The following PRR36 variants were observed in gnomAD, a reference collection of about 807,000 sequenced individuals.
PRR36 encodes the protein proline-rich protein 36.
In PRR36, 30 loss-of-function variants were observed where a neutral mutation model predicts 58.6. The ratio of observed to expected loss-of-function variants is 0.51; its 90% CI spans 0.38 to 0.69. The LOEUF (loss-of-function observed/expected upper bound fraction) is 0.69, where lower values mean the gene tolerates loss of function less well. Ranked by LOEUF, PRR36 falls within the 30% of genes least tolerant of loss-of-function variation. The pLI, the probability that PRR36 is intolerant of heterozygous loss-of-function variation, is 0.00. For synonymous variants in PRR36, 771 were observed against 829.3 expected (o/e 0.93, Z 1.21); for missense variants, 1,692 against 1,805.6 (o/e 0.94, Z 1.14).
chr19:7,873,647 G>C lies in PRR36; in HGVS notation c.43C>G (p.Arg15Gly). 1 of 1,535,240 alleles carries C rather than the reference G, an allele frequency of 6.5e-7. No homozygotes were observed. The highest frequency in any genetic ancestry group is 2.4e-5 in the East Asian group (1 of 40,904). The change falls in exon 2 of 6, where the codon CGG becomes GGG. Residue 15 changes from arginine (R) to glycine (G), a missense_variant. Physicochemically the swap from Arg to Gly is moderately radical, Grantham distance 125. This residue lies in a region of PRR36 where 975 missense variants were observed against 955.2 expected (regional missense o/e 1.02). Coordinates refer to ENST00000618550, the MANE Select transcript of PRR36 (RefSeq NM_001190467.2). The surrounding 1 kb of genome is among the most constrained non-coding windows in gnomAD (Gnocchi z 5.0). The stretch of plus-strand genomic sequence containing the variant: ...CCAGGAGCGCGAGCAGCCGGCGTCC[G>C]CGCGGCGGCCCCTGCCTTCGCCTTG... Reference protein sequence around the residue: ...RDKAKAGAAARTPAARAPGLL... With the variant: ...RDKAKAGAAAGTPAARAPGLL...
Position 7,869,986 on chromosome 19 carries a change from A to G in PRR36, c.3258T>C (p.Asp1086=). The change falls in exon 5 of 6, where the codon GAT becomes GAC. Residue 1086 remains aspartate, a synonymous_variant. Coordinates refer to ENST00000618550, the MANE Select transcript of PRR36 (RefSeq NM_001190467.2). Reference sequence around the variant, plus strand: ...TCAGCCGTGGGCCCGAGACGGAGGTATCCGGACCCGGGGTCGGGGGGCGGC... The same window carrying G: ...TCAGCCGTGGGCCCGAGACGGAGGTGTCCGGACCCGGGGTCGGGGGGCGGC... ...APRRPPTPGP[D]TSVSGPRLTL... is the part of the protein sequence containing the mutation. 1.4e-6 allele frequency: 2 copies of G among 1,402,032 alleles called. No individual in the cohort carries two copies. The highest frequency in any genetic ancestry group is 9.2e-7 in the Non-Finnish European group (1 of 1,085,394). The allele number at this position is 1,402,032 out of a possible 1,614,324, so 86.8% of individuals were successfully genotyped here.
chr19:7,872,454 T>A lies in PRR36; in HGVS notation c.790A>T (p.Arg264Trp), dbSNP rs1373776933. The stretch of plus-strand genomic sequence containing the variant: ...GGCTGCGAGGGATGCGCAGGAGCCC[T>A]GGGTGTTCCGCGGGCTGAGGGCCCA... Reference protein sequence around the residue: ...RSGPSARGTPRAPAHPSQPKP... With the variant: ...RSGPSARGTPWAPAHPSQPKP... The change falls in exon 5 of 6, where the codon AGG becomes TGG. Residue 264 changes from arginine to tryptophan, a missense_variant. Transcript: ENST00000618550. This position sits in a 1 kb window ranked among gnomAD's most constrained non-coding sequence, Gnocchi z 6.1. 1 of 1,461,614 alleles carries A rather than the reference T, an allele frequency of 6.8e-7. No individual in the cohort carries two copies. The highest frequency in any genetic ancestry group is 9.0e-7 in the Non-Finnish European group (1 of 1,113,100). 90.5% of individuals were successfully genotyped at this position (1,461,614 alleles called of 1,614,324 possible).
In PRR36 at chr19:7,872,071, G is replaced by A; in HGVS notation, c.1173C>T (p.Ala391=). Residue 391 remains alanine, a synonymous_variant, in exon 5 of 6, where the codon GCC becomes GCT. Coordinates refer to ENST00000618550, the MANE Select transcript of PRR36 (RefSeq NM_001190467.2). The surrounding 1 kb of genome is among the most constrained non-coding windows in gnomAD (Gnocchi z 6.1). ...PSLQTLPSPP[A]TPPSQVPPTQ... is the part of the protein sequence containing the mutation. ...TGGGTGGAACTTGCGAGGGGGGCGT[G>A]GCTGGTGGAGAGGGGAGGGTCTGCA... is the stretch of plus-strand genomic sequence containing the variant. 1 of 1,535,536 alleles carries A rather than the reference G, an allele frequency of 6.5e-7. No homozygotes were observed. Among genetic ancestry groups the A allele is most frequent in the Non-Finnish European group, 8.7e-7 (1 of 1,146,738 alleles).
In PRR36 at chr19:7,871,658, A is replaced by G. The variant is rs866513320; in HGVS notation, c.1586T>C (p.Leu529Ser). Residue 529 changes from leucine to serine, a missense_variant, in exon 5 of 6, where the codon TTG becomes TCG. Transcript: ENST00000618550. ...PLQDSPLLAT[L>S]PLQASPSPLT... ...AGGAGAGGGAGAGGCCTGCAGAGGCAATGTGGCCAGAAGAGGAGAGTCCTG... is the reference window on the plus strand; with the variant it reads ...AGGAGAGGGAGAGGCCTGCAGAGGCGATGTGGCCAGAAGAGGAGAGTCCTG... The G allele has an allele frequency of 2.0e-6, 3 of 1,535,652 alleles. No homozygotes were observed. The highest frequency in any genetic ancestry group is 1.7e-6 in the Non-Finnish European group (2 of 1,146,756).
Position 7,869,128 on chromosome 19 carries a change from G to C in PRR36, c.3946C>G (p.Arg1316Gly), listed in dbSNP as rs1439363396. 2.0e-6 allele frequency: 3 copies of C among 1,535,336 alleles called. No individual in the cohort carries two copies. Among genetic ancestry groups the C allele is most frequent in the South Asian group, 1.2e-5 (1 of 84,016 alleles). The change falls in exon 6 of 6, where the codon CGT (arginine) becomes GGT (glycine). Residue 1316 changes from arginine to glycine, a missense_variant. Arg to Gly is a moderately radical substitution (Grantham distance 125). Coordinates refer to ENST00000618550, the MANE Select transcript of PRR36 (RefSeq NM_001190467.2). ...CTGGTGACCGAGGTGATGCTGGCAC[G>C]GGACTCGTCCAGGGGAGACAGTAGT... is the stretch of plus-strand genomic sequence containing the variant. ...AELLSPLDES[R>G]ASITSVTSFS...
Position 7,873,176 on chromosome 19 carries a change from G to T in PRR36, c.374+21C>A. The T allele has an allele frequency of 6.5e-7, 1 of 1,530,448 alleles. No homozygotes were observed. The highest frequency in any genetic ancestry group is 8.8e-7 in the Non-Finnish European group (1 of 1,141,782). 94.8% of individuals were successfully genotyped at this position (1,530,448 alleles called of 1,614,324 possible). On this transcript the variant is annotated intron_variant, in intron 3 of 5. Coordinates refer to ENST00000618550, the MANE Select transcript of PRR36 (RefSeq NM_001190467.2). The surrounding 1 kb of genome is among the most constrained non-coding windows in gnomAD (Gnocchi z 5.0). The stretch of plus-strand genomic sequence containing the variant: ...GACGCTAACCCTGGCTTAGGAGACT[G>T]GGGGAGAGGGAGCAGGTTACCTGGT...
Position 7,871,809 on chromosome 19 carries a change from A to C in PRR36, c.1435T>G (p.Phe479Val). The C allele has an allele frequency of 6.5e-7, 1 of 1,535,202 alleles. No homozygotes were observed. The highest frequency in any genetic ancestry group is 8.7e-7 in the Non-Finnish European group (1 of 1,146,690). Reference sequence around the variant, plus strand: ...GGCTGAGGGAGTGCGGCCAGGGGAAAAGCCGAATTCCCCAGAGATGTTGCC... The same window carrying C: ...GGCTGAGGGAGTGCGGCCAGGGGAACAGCCGAATTCCCCAGAGATGTTGCC... ...SPATSLGNSA[F>V]PLAALPQPGL... Residue 479 changes from phenylalanine (F) to valine (V), a missense_variant, in exon 5 of 6, where the codon TTT becomes GTT. Around this residue, in one of 5 missense-constraint regions of PRR36, gnomAD observed 975 missense variants for 955.2 expected, o/e 1.02. Transcript: ENST00000618550.
chr19:7,871,345 A>T lies in PRR36; in HGVS notation c.1899T>A (p.Pro633=), dbSNP rs991062959. The change falls in exon 5 of 6, where the codon CCT becomes CCA. Residue 633 remains proline, a synonymous_variant. Coordinates refer to ENST00000618550, the MANE Select transcript of PRR36 (RefSeq NM_001190467.2). The stretch of plus-strand genomic sequence containing the variant: ...AGATCAAAGAAGCTTGGGTTTGCCT[A>T]GGGGACATTGTCAGGAAAGAATGTG... ...QATHSFLTMS[P]RQTQASLISP... 4 of 1,531,048 alleles carry T rather than the reference A, an allele frequency of 2.6e-6. No individual in the cohort carries two copies. Among genetic ancestry groups the T allele is most frequent in the Non-Finnish European group, 3.5e-6 (4 of 1,143,668 alleles). The allele number at this position is 1,531,048 out of a possible 1,614,324, so 94.8% of individuals were successfully genotyped here.
chr19:7,869,945 G>C lies in PRR36; in HGVS notation c.3299C>G (p.Pro1100Arg). ...SGPRLTLALA[P>R]GPPPPPSRSP... ...GCGCGAGGGCGGCGGCGGCGGGCCG[G>C]GGGCCAACGCCAGGGTCAGCCGTGG... is the stretch of plus-strand genomic sequence containing the variant. Residue 1100 changes from proline (P) to arginine (R), a missense_variant, in exon 5 of 6, where the codon CCC (proline) becomes CGC (arginine). By Grantham distance (103) the Pro-to-Arg change is moderately radical (BLOSUM62 -2). This residue lies in a region of PRR36 where 485 missense variants were observed against 549.2 expected (regional missense o/e 0.88). Transcript: ENST00000618550. 1.5e-6 allele frequency: 2 copies of C among 1,371,626 alleles called. No individual in the cohort carries two copies. 85.0% of individuals were successfully genotyped at this position (1,371,626 alleles called of 1,614,324 possible).
Position 7,873,642 on chromosome 19 carries a change from C to G in PRR36, c.48G>C (p.Thr16=). The change falls in exon 2 of 6, where the codon ACG becomes ACC. Residue 16 remains threonine (T), a synonymous_variant. Coordinates refer to ENST00000618550, the MANE Select transcript of PRR36 (RefSeq NM_001190467.2). This position sits in a 1 kb window ranked among gnomAD's most constrained non-coding sequence, Gnocchi z 5.0. ...DKAKAGAAAR[T]PAARAPGLLT... Reference sequence around the variant, plus strand: ...GAAGTCCAGGAGCGCGAGCAGCCGGCGTCCGCGCGGCGGCCCCTGCCTTCG... The same window carrying G: ...GAAGTCCAGGAGCGCGAGCAGCCGGGGTCCGCGCGGCGGCCCCTGCCTTCG... The G allele has an allele frequency of 6.5e-7, 1 of 1,535,212 alleles. No individual in the cohort carries two copies. The highest frequency in any genetic ancestry group is 2.4e-5 in the East Asian group (1 of 40,910).
In PRR36 at chr19:7,871,290, C is replaced by A. The variant is rs1270655195; in HGVS notation, c.1954G>T (p.Asp652Tyr). ...SPSRPASTPP[D>Y]SPPLQAPLSL... ...AGAGGGGCCTGCAGAGGGGGTGAAT[C>A]AGGGGGAGTAGAGGCCGGCCGAGAA... Residue 652 changes from aspartate to tyrosine, a missense_variant, in exon 5 of 6, where the codon GAT becomes TAT. By Grantham distance (160) the Asp-to-Tyr change is radical. Transcript: ENST00000618550. 6.6e-7 allele frequency: 1 copy of A among 1,513,616 alleles called. No individual in the cohort carries two copies. The highest frequency in any genetic ancestry group is 2.0e-5 in the Admixed American group (1 of 48,796). The allele number at this position is 1,513,616 out of a possible 1,614,324, so 93.8% of individuals were successfully genotyped here.
rs766922514 is a variant in PRR36 at position 7,873,307 on chromosome 19, G to A, written c.272-8C>T. 234 of 1,530,206 alleles carry A rather than the reference G, an allele frequency of 1.5e-4. No homozygotes were observed. Among genetic ancestry groups the A allele is most frequent in the Non-Finnish European group, 1.9e-4 (222 of 1,144,048 alleles). 94.8% of individuals were successfully genotyped at this position (1,530,206 alleles called of 1,614,324 possible). On this transcript the variant is annotated splice_region_variant and splice_polypyrimidine_tract_variant and intron_variant, in intron 2 of 5. Transcript: ENST00000618550. This position sits in a 1 kb window ranked among gnomAD's most constrained non-coding sequence, Gnocchi z 5.0. Reference sequence around the variant, plus strand: ...AGGCTGGGGGCCTGGAGGCTGCGGGGAGAAGGCCGAGTCACAGGTGCCCCG... The same window carrying A: ...AGGCTGGGGGCCTGGAGGCTGCGGGAAGAAGGCCGAGTCACAGGTGCCCCG...
Position 7,871,879 on chromosome 19 carries a change from T to A in PRR36, c.1365A>T (p.Thr455=). The change falls in exon 5 of 6, where the codon ACA becomes ACT. Residue 455 remains threonine, a synonymous_variant. Coordinates refer to ENST00000618550, the MANE Select transcript of PRR36 (RefSeq NM_001190467.2). ...SLPTLLSPLA[T]PPLSAMSPLQ... is the part of the protein sequence containing the mutation. ...GAGGAGACATGGCTGACAGAGGAGG[T>A]GTGGCCAAGGGAGAGAGGAGAGTCG... The A allele has an allele frequency of 6.5e-7, 1 of 1,533,974 alleles. No homozygotes were observed. The highest frequency in any genetic ancestry group is 8.7e-7 in the Non-Finnish European group (1 of 1,146,402).
Position 7,872,118 on chromosome 19 carries a change from A to G in PRR36, c.1126T>C (p.Ser376Pro), listed in dbSNP as rs1275362679. 2 of 1,519,316 alleles carry G rather than the reference A, an allele frequency of 1.3e-6. No homozygotes were observed. Among genetic ancestry groups the G allele is most frequent in the Admixed American group, 2.0e-5 (1 of 49,474 alleles). 94.1% of individuals were successfully genotyped at this position (1,519,316 alleles called of 1,614,324 possible). A position where few individuals can be genotyped will look rare whatever the true frequency, so the allele number is the denominator to read the frequency against. ...TGCAGAGAAGGTGGAGCAGAGGGAG[A>G]AGGAGGGGCTAGAGGAAGGGGCGTG... ...LATPLPLAPPSPSAPPSLQTL... is the reference protein window; with the variant it reads ...LATPLPLAPPPPSAPPSLQTL... The change falls in exon 5 of 6, where the codon TCT becomes CCT. Residue 376 changes from serine to proline, a missense_variant. Around this residue, in one of 5 missense-constraint regions of PRR36, gnomAD observed 975 missense variants for 955.2 expected, o/e 1.02. Coordinates refer to ENST00000618550, the MANE Select transcript of PRR36 (RefSeq NM_001190467.2). The surrounding 1 kb of genome is among the most constrained non-coding windows in gnomAD (Gnocchi z 6.1).
In PRR36 at chr19:7,870,505, G is replaced by T; in HGVS notation, c.2739C>A (p.Pro913=). Residue 913 remains proline (P), a synonymous_variant, in exon 5 of 6, where the codon CCC becomes CCA. Transcript: ENST00000618550. ...ASPPVSPSAT[P]PSQAPPSLAA... ...CTAGAGAGGGTGGGGCCTGTGAAGG[G>T]GGCGTGGCCGAAGGAGACACTGGGG... is the stretch of plus-strand genomic sequence containing the variant. The T allele has an allele frequency of 3.2e-6, 3 of 941,488 alleles. No homozygotes were observed. The highest frequency in any genetic ancestry group is 3.9e-6 in the Non-Finnish European group (3 of 762,586). 58.3% of individuals were successfully genotyped at this position (941,488 alleles called of 1,614,324 possible). A position where few individuals can be genotyped will look rare whatever the true frequency, so the allele number is the denominator to read the frequency against.
Position 7,871,460 on chromosome 19 carries a change from G to C in PRR36, c.1784C>G (p.Thr595Ser), listed in dbSNP as rs1205053287. ...IPPIQVPHSL[T>S]SPSLQAPPSP... ...GGGAGGTGCCTGCAGAGACGGTGAGGTCAGAGAATGTGGGACCTGTATTGG... is the reference window on the plus strand; with the variant it reads ...GGGAGGTGCCTGCAGAGACGGTGAGCTCAGAGAATGTGGGACCTGTATTGG... Residue 595 changes from threonine (T) to serine (S), a missense_variant, in exon 5 of 6, where the codon ACC becomes AGC. By Grantham distance (58) the Thr-to-Ser change is moderately conservative. Coordinates refer to ENST00000618550, the MANE Select transcript of PRR36 (RefSeq NM_001190467.2). 1 of 1,535,694 alleles carries C rather than the reference G, an allele frequency of 6.5e-7. No homozygotes were observed. The highest frequency in any genetic ancestry group is 8.7e-7 in the Non-Finnish European group (1 of 1,146,790).
At position 7,868,941 on chromosome 19, in the gene PRR36, G is replaced by A. The variant is rs1980232507; in HGVS notation, c.*92C>T. On this transcript the variant is annotated 3_prime_UTR_variant, in exon 6 of 6. Transcript: ENST00000618550. ...CTAATCCACCCAGCGGGGCTCCAGG[G>A]CAGTGGAGGCGGGGTCTAAAACAAA... 7.4e-7 allele frequency: 1 copy of A among 1,357,614 alleles called. No individual in the cohort carries two copies. Among genetic ancestry groups the A allele is most frequent in the African/African-American group, 1.5e-5 (1 of 67,062 alleles). The allele number at this position is 1,357,614 out of a possible 1,614,324, so 84.1% of individuals were successfully genotyped here.
chr19:7,868,956 T>C lies in PRR36; in HGVS notation c.*77A>G. 7.1e-7 allele frequency: 1 copy of C among 1,418,034 alleles called. No homozygotes were observed. The highest frequency in any genetic ancestry group is 9.3e-7 in the Non-Finnish European group (1 of 1,077,506). 87.8% of individuals were successfully genotyped at this position (1,418,034 alleles called of 1,614,324 possible). On this transcript the variant is annotated 3_prime_UTR_variant, in exon 6 of 6. Transcript: ENST00000618550. ...GGGCTCCAGGGCAGTGGAGGCGGGG[T>C]CTAAAACAAACGGCGTACCCGGAGG...
Position 7,868,778 on chromosome 19 carries a change from C to A in PRR36, c.*255G>T. ...CAGGCTGTGCGGGGTGGGCAATACA[C>A]TGCACACGGGGCGGGACTCGGGGAA... is the stretch of plus-strand genomic sequence containing the variant. On this transcript the variant is annotated 3_prime_UTR_variant, in exon 6 of 6. Coordinates refer to ENST00000618550, the MANE Select transcript of PRR36 (RefSeq NM_001190467.2). 1 of 458,504 alleles carries A rather than the reference C, an allele frequency of 2.2e-6. No individual in the cohort carries two copies. Among genetic ancestry groups the A allele is most frequent in the South Asian group, 3.9e-5 (1 of 25,888 alleles). 28.4% of individuals were successfully genotyped at this position (458,504 alleles called of 1,614,324 possible). A position where few individuals can be genotyped will look rare whatever the true frequency, so the allele number is the denominator to read the frequency against.
Sources: gnomAD v4.1 joint callset for allele counts on GRCh38, gnomAD v4.1.1 for gene constraint, gnomAD v4.1.1 regional missense constraint, Gnocchi (gnomAD v3.1) non-coding constraint, MANE v1.5 for transcripts, NCBI Gene and HGNC (gene_info 2026-07-23, HGNC 2026-07-21) for gene names.